SND1: variants seen among roughly 807,000 people sequenced by gnomAD.
The protein encoded by SND1 is staphylococcal nuclease and tudor domain containing 1.
Under a neutral mutation model 121.7 loss-of-function variants are expected in SND1, and 38 were observed. That is an observed-to-expected ratio of 0.31 (90% CI 0.24 to 0.41). The LOEUF is 0.41. SND1 is among the 10% of genes least tolerant of loss of function. SND1 has a pLI of 1.00. For synonymous variants in SND1, 401 were observed against 447.4 expected, an observed-to-expected ratio of 0.90 and a Z score of 1.31; for missense variants, 868 against 1,184.6, an observed-to-expected ratio of 0.73 and a Z score of 3.92.
At chr7:128,034,510 C>T (rs1427428846) in intron 16 of SND1, among the ~76,000 whole-genome samples, 2 of 152,148 alleles carry the variant, frequency 1.3e-5, no homozygotes, top group Non-Finnish European at 1.5e-5. Flanking sequence ...AGGGTCTCTG[C>T]CTGGGCTGGT....
At chr7:127,996,758 A>T (rs1444873935) in intron 16 of SND1, among the ~76,000 whole-genome samples, 2 of 152,192 alleles carry the variant, frequency 1.3e-5, no homozygotes, top group Admixed American at 6.5e-5. Flanking sequence ...AAGCCCCCTT[A>T]TTCTAGATTA....
intron 23 of SND1, 50 bp downstream of exon 23, chr7:128,091,931 G>A (rs777319280): frequency 6.2e-7 from 1 of 1,613,754 alleles, no homozygotes; most frequent in South Asian, 1.1e-5. Context: ...TGAGGGGTTT[G>A]GCCCTCTGAG....
At chr7:127,799,066 G>A (rs562139204) in intron 10 of SND1, among the ~76,000 whole-genome samples, 3 of 152,260 alleles carry the variant, frequency 2.0e-5, no homozygotes, top group African/African-American at 4.8e-5. Flanking sequence ...TAAAAAGCAC[G>A]TTTGTGGGAA....
intron 1 of SND1, among the ~76,000 whole-genome samples, chr7:127,662,127 A>ATC (rs1158591026): frequency 6.6e-6 from 1 of 151,056 alleles, no homozygotes. Context: ...AAAAAAAAAA[A>ATC]TCTCTCTCTC....
chr7:127,891,780 T>C (rs2116738326), intron 13 of SND1, among the ~76,000 whole-genome samples: 1 of 152,262 alleles, frequency 6.6e-6, no homozygotes, highest in African/African-American at 2.4e-5. Flanking sequence ...CTTTTGTTTA[T>C]CATTCTTCAG....
intron 12 of SND1, among the ~76,000 whole-genome samples, chr7:127,860,388 C>T (rs1799354240): frequency 1.3e-5 from 2 of 152,150 alleles, no homozygotes; most frequent in Non-Finnish European, 2.9e-5. Flanking sequence ...GATTAGTTTG[C>T]TTGGAAGTCT....
chr7:127,841,244 A>ATTGGG (rs2116642238), intron 11 of SND1, among the ~76,000 whole-genome samples: 1 of 152,198 alleles, frequency 6.6e-6, no homozygotes, highest in Non-Finnish European at 1.5e-5. Context: ...TGGGAGGCAC[A>ATTGGG]AGGTAACCTT....
chr7:127,756,385 G>A (rs1016400944), intron 10 of SND1, among the ~76,000 whole-genome samples: 3 of 152,186 alleles, frequency 2.0e-5, no homozygotes, highest in African/African-American at 7.2e-5. Context: ...GATAAACTGG[G>A]GCAGGAGAGC....
chr7:127,844,744 C>T (rs1799026971), intron 12 of SND1, among the ~76,000 whole-genome samples: 1 of 152,162 alleles, frequency 6.6e-6, no homozygotes, highest in African/African-American at 2.4e-5. Flanking sequence ...CTAAAATGGT[C>T]TCTGCATATT....
At chr7:127,841,519 T>G (rs970793176) in intron 11 of SND1, among the ~76,000 whole-genome samples, 5 of 152,150 alleles carry the variant, frequency 3.3e-5, no homozygotes, top group African/African-American at 1.2e-4. Flanking sequence ...CTCGTGATTT[T>G]TTGCCATGAC....
chr7:128,061,767 A>G (rs757560864), intron 16 of SND1, among the ~76,000 whole-genome samples: 13 of 152,266 alleles, frequency 8.5e-5, no homozygotes, highest in Non-Finnish European at 1.6e-4. Flanking sequence ...TTTCACGTGT[A>G]TGTGTTCAAA....
chr7:127,937,816 A>G (rs1801094426), intron 15 of SND1, among the ~76,000 whole-genome samples: 1 of 152,230 alleles, frequency 6.6e-6, no homozygotes, highest in Non-Finnish European at 1.5e-5. Context: ...GTGGATCCCC[A>G]TTGATTACCA....
intron 15 of SND1, among the ~76,000 whole-genome samples, chr7:127,975,558 A>G (rs1427650464): frequency 1.3e-5 from 2 of 152,130 alleles, no homozygotes; most frequent in Non-Finnish European, 2.9e-5. Flanking sequence ...CTACACAAGA[A>G]TGGCCTGACA....
intron 16 of SND1, among the ~76,000 whole-genome samples, chr7:128,017,261 C>T (rs565785762): frequency 2.0e-5 from 3 of 152,268 alleles, no homozygotes; most frequent in East Asian, 1.9e-4. Flanking sequence ...TCTCATGTGG[C>T]TTACCTGCAA....
chr7:127,742,727 C>T (rs541137438), intron 10 of SND1, among the ~76,000 whole-genome samples: 6 of 152,156 alleles, frequency 3.9e-5, no homozygotes, highest in Non-Finnish European at 2.9e-5. Context: ...GTCTTTCTTT[C>T]CTCTGAGTGT....
At chr7:127,868,359 T>C (rs1011148181) in intron 12 of SND1, among the ~76,000 whole-genome samples, 4 of 152,208 alleles carry the variant, frequency 2.6e-5, no homozygotes, top group Non-Finnish European at 4.4e-5. Flanking sequence ...CACTCCAGCC[T>C]GGGTGACAGA....
In SND1 at chr7:127,807,510, G is replaced by A; in HGVS notation, c.1179G>A (p.Leu393=). The part of the protein sequence containing the change: ...TQDKNKKLRP[L]YDIPYMFEAR... ...ATAAGAACAAGAAACTGCGTCCCCT[G>A]TATGACATTCCTTACATGTTTGAGG... The change falls in exon 11 of 24, where the codon CTG becomes CTA. Residue 393 remains leucine, a synonymous_variant. Transcript: ENST00000354725. 6.2e-7 allele frequency: 1 copy of A among 1,614,000 alleles called. No homozygotes were observed. The highest frequency in any genetic ancestry group is 8.5e-7 in the Non-Finnish European group (1 of 1,179,914).
intron 16 of SND1, among the ~76,000 whole-genome samples, chr7:128,061,020 G>A (rs2117034003): frequency 6.6e-6 from 1 of 152,274 alleles, no homozygotes; most frequent in East Asian, 1.9e-4. Flanking sequence ...GGTGGAGCAG[G>A]GAGAATGAGG....
intron 14 of SND1, among the ~76,000 whole-genome samples, chr7:127,914,065 C>G (rs1193609165): frequency 6.6e-6 from 1 of 152,070 alleles, no homozygotes; most frequent in Non-Finnish European, 1.5e-5. Flanking sequence ...AAATGGTGTT[C>G]TCAGGAAGAA....
Sources: gnomAD v4.1 joint callset for allele counts (sites outside exome capture counted in the v4.1 genomes callset) on GRCh38, gnomAD v4.1.1 for gene constraint, MANE v1.5 for transcripts, NCBI Gene and HGNC (gene_info 2026-07-23, HGNC 2026-07-21) for gene names.